The following CYP7B1 variants were observed in gnomAD, a reference collection of about 807,000 sequenced individuals.
The protein encoded by CYP7B1 is cytochrome P450 family 7 subfamily B member 1, also known as cytochrome P450 7B1.
CYP7B1 carries 29 observed loss-of-function variants against 42.7 expected under a neutral mutation model. The observed-to-expected ratio is 0.68, with a 90% CI of 0.51 to 0.93. The LOEUF is 0.93. CYP7B1 is among the 40% of genes least tolerant of loss of function. The pLI is 0.00. For missense variants in CYP7B1, 655 were observed against 600.5 expected (o/e 1.09, Z -0.95); for synonymous variants, 235 against 218.2 (o/e 1.08, Z -0.68).
At position 64,689,519 on chromosome 8, in the gene CYP7B1, T is replaced by TTA. The variant is rs1261719514; in HGVS notation, c.123-64982_123-64981dup. On this transcript the variant is annotated intron_variant, in intron 1 of 5. Coordinates refer to ENST00000310193, the MANE Select transcript of CYP7B1 (RefSeq NM_004820.5). ...TTGAAATATCCATTGTTTTTATAGG[T>TTA]TATATGCAACTTTTAACTGGCTAAT... Among the ~76,000 whole-genome samples the TTA allele has an allele frequency of 5.9e-5, 9 of 152,274 alleles. No homozygotes were observed. In the South Asian group the frequency reaches 1.9e-3, roughly 32 times the overall value.
chr8:64,702,492 T>C (rs1433440051), intron 1 of CYP7B1, among the ~76,000 whole-genome samples: 2 of 152,202 alleles, frequency 1.3e-5, no homozygotes, highest in East Asian at 3.9e-4. Flanking sequence ...TGTGACTTCG[T>C]TGTTTATCAA....
At chr8:64,662,640 T>A (rs751315815) in intron 1 of CYP7B1, among the ~76,000 whole-genome samples, 18 of 152,156 alleles carry the variant, frequency 1.2e-4, no homozygotes, top group Non-Finnish European at 2.1e-4. Flanking sequence ...GAAGCAAAAT[T>A]TCCTTAGCAA....
chr8:64,706,005 G>T (rs938081258), intron 1 of CYP7B1, among the ~76,000 whole-genome samples: 2 of 151,926 alleles, frequency 1.3e-5, no homozygotes, highest in African/African-American at 4.8e-5. Flanking sequence ...AACCAAGAAG[G>T]TCTAAACTGA....
At chr8:64,737,643 C>G (rs1437129324) in intron 1 of CYP7B1, among the ~76,000 whole-genome samples, 6 of 152,200 alleles carry the variant, frequency 3.9e-5, no homozygotes, top group Non-Finnish European at 5.9e-5. Context: ...AATTAAACTG[C>G]ATTGCCTGAA....
chr8:64,674,296 T>C (rs1335573689), intron 1 of CYP7B1, among the ~76,000 whole-genome samples: 1 of 152,088 alleles, frequency 6.6e-6, no homozygotes, highest in South Asian at 2.1e-4. Context: ...CTTTGGTGTT[T>C]CCATTTTTGA....
chr8:64,667,733 G>A (rs1279890611), intron 1 of CYP7B1, among the ~76,000 whole-genome samples: 1 of 152,042 alleles, frequency 6.6e-6, no homozygotes, highest in Non-Finnish European at 1.5e-5. Context: ...ATCTGTGATG[G>A]GAAAAACCAT....
intron 1 of CYP7B1, among the ~76,000 whole-genome samples, chr8:64,676,179 T>C (rs1160778898): frequency 6.6e-6 from 1 of 152,174 alleles, no homozygotes; most frequent in Non-Finnish European, 1.5e-5. Flanking sequence ...ATGTGAATTA[T>C]TTTCTCAACC....
intron 4 of CYP7B1, among the ~76,000 whole-genome samples, chr8:64,613,777 G>A (rs1805394839): frequency 6.6e-6 from 1 of 152,110 alleles, no homozygotes; most frequent in Non-Finnish European, 1.5e-5. Context: ...TTGACTGCTA[G>A]TATAAGGCAT....
chr8:64,647,799 A>G (rs992276030), intron 1 of CYP7B1, among the ~76,000 whole-genome samples: 2 of 152,148 alleles, frequency 1.3e-5, no homozygotes, highest in Admixed American at 6.5e-5. Context: ...TACTCTACTG[A>G]GTCCACTGCT....
At chr8:64,716,399 A>G (rs1807154915) in intron 1 of CYP7B1, among the ~76,000 whole-genome samples, 1 of 152,200 alleles carries the variant, frequency 6.6e-6, no homozygotes, top group Non-Finnish European at 1.5e-5. Context: ...GGAAAATACT[A>G]TATCAGACAT....
intron 1 of CYP7B1, chr8:64,727,971 C>A (rs188822306): frequency 2.0e-5 from 3 of 152,336 alleles, no homozygotes; most frequent in African/African-American, 4.8e-5. Context: ...ATCTCTTCAT[C>A]CTCTCATTCA....
intron 1 of CYP7B1, among the ~76,000 whole-genome samples, chr8:64,711,382 C>A (rs576446564): frequency 1.7e-4 from 26 of 152,178 alleles, no homozygotes; most frequent in African/African-American, 6.3e-4. Flanking sequence ...TGCCTGGGAC[C>A]AGTCACTGCA....
chr8:64,639,542 A>G (rs771589391), intron 1 of CYP7B1, among the ~76,000 whole-genome samples: 1 of 152,144 alleles, frequency 6.6e-6, no homozygotes, highest in Non-Finnish European at 1.5e-5. Context: ...TATGCAAATT[A>G]TAAACTAAAA....
At chr8:64,781,180 C>T (rs1466609848) in intron 1 of CYP7B1, among the ~76,000 whole-genome samples, 2 of 152,082 alleles carry the variant, frequency 1.3e-5, no homozygotes, top group Non-Finnish European at 2.9e-5. Context: ...TGTTCACTTT[C>T]CATCCTGCTC....
intron 5 of CYP7B1, among the ~76,000 whole-genome samples, chr8:64,599,727 T>C (rs926042755): frequency 3.9e-5 from 6 of 152,196 alleles, no homozygotes; most frequent in Non-Finnish European, 5.9e-5. Flanking sequence ...TGGGATAGAA[T>C]TGTGAAACAA....
At chr8:64,606,221 A>T (rs1414228532) in intron 4 of CYP7B1, among the ~76,000 whole-genome samples, 5 of 152,194 alleles carry the variant, frequency 3.3e-5, no homozygotes, top group Non-Finnish European at 5.9e-5. Flanking sequence ...GTTGGTGATG[A>T]GGCCAGAAAA....
chr8:64,591,567 C>T lies in CYP7B1; in HGVS notation c.*5075G>A, dbSNP rs756978793. 4.6e-5 allele frequency among the ~76,000 whole-genome samples: 7 copies of T among 152,072 alleles called. No individual in the cohort carries two copies. The highest frequency in any genetic ancestry group is 8.8e-5 in the Non-Finnish European group (6 of 68,004). The stretch of plus-strand genomic sequence containing the variant: ...TAGAAGTCACTTGCAGAAAATTACC[C>T]AAATTATTTTTATGATAAAATAAGC... On this transcript the variant is annotated 3_prime_UTR_variant, in exon 6 of 6. Coordinates refer to ENST00000310193, the MANE Select transcript of CYP7B1 (RefSeq NM_004820.5).
intron 1 of CYP7B1, among the ~76,000 whole-genome samples, chr8:64,680,434 T>C (rs1585850959): frequency 1.3e-5 from 2 of 152,154 alleles, no homozygotes; most frequent in Non-Finnish European, 2.9e-5. Flanking sequence ...ACCAGGTCTG[T>C]GCCTGAAGGA....
chr8:64,773,761 A>G (rs1007400012), intron 1 of CYP7B1, among the ~76,000 whole-genome samples: 1 of 152,202 alleles, frequency 6.6e-6, no homozygotes, highest in Admixed American at 6.5e-5. Context: ...AGGGCCTTCT[A>G]GCTCTGTCAT....
Sources: allele counts gnomAD v4.1 joint callset (sites outside exome capture counted in the v4.1 genomes callset), GRCh38; gene constraint gnomAD v4.1.1; transcripts MANE v1.5; gene names NCBI Gene and HGNC (gene_info 2026-07-23, HGNC 2026-07-21).